The following TMEFF1 variants were observed in gnomAD, a reference collection of about 807,000 sequenced individuals.
The protein encoded by TMEFF1 is transmembrane protein with EGF like and two follistatin like domains 1, also known as tomoregulin-1.
A neutral mutation model predicts 47.5 loss-of-function variants in TMEFF1; 20 were observed. That is an observed-to-expected ratio of 0.42 (90% CI 0.30 to 0.61). TMEFF1 has a LOEUF of 0.61. Ranked by LOEUF, TMEFF1 falls within the 20% of genes least tolerant of loss-of-function variation. The pLI is 0.19. For synonymous variants in TMEFF1, 162 were observed against 166.3 expected, an observed-to-expected ratio of 0.97 and a Z score of 0.20; for missense variants, 411 against 471.1, an observed-to-expected ratio of 0.87 and a Z score of 1.18.
At chr9:100,573,504 G>T (rs780389344) in intron 9 of TMEFF1, among the ~76,000 whole-genome samples, 34 of 152,246 alleles carry the variant, frequency 2.2e-4, no homozygotes, top group Middle Eastern at 3.4e-3. Context: ...CAGCAAGTTC[G>T]TGTTGTCTTT....
intron 3 of TMEFF1, 46 bp downstream of exon 3, chr9:100,509,180 A>G (rs369146928): frequency 4.3e-5 from 62 of 1,426,350 alleles, no homozygotes; most frequent in Non-Finnish European, 5.5e-5. Flanking sequence ...ATATGGTGGA[A>G]TCATTTCTAA....
rs548880340 is a variant in TMEFF1 at position 100,476,019 on chromosome 9, A to C, written c.196+2279A>C. 2.6e-5 allele frequency among the ~76,000 whole-genome samples: 4 copies of C among 152,226 alleles called. No individual in the cohort carries two copies. The South Asian group carries it at 8.3e-4, about 32-fold the overall frequency. On this transcript the variant is annotated intron_variant, in intron 1 of 9. Transcript: ENST00000374879. ...TGGGGCAAGTTACTTAATTTCTCTT[A>C]GTTTCCATTCCTTTTAAAAAAGAGA...
At chr9:100,526,979 A>T (rs1838269758) in intron 5 of TMEFF1, among the ~76,000 whole-genome samples, 1 of 149,780 alleles carries the variant, frequency 6.7e-6, no homozygotes, top group Non-Finnish European at 1.5e-5. Flanking sequence ...AAAAAAAAAA[A>T]AAGGGAAAAA....
intron 5 of TMEFF1, among the ~76,000 whole-genome samples, chr9:100,536,080 T>TC (rs754339621): frequency 2.0e-5 from 3 of 152,244 alleles, no homozygotes; most frequent in Non-Finnish European, 2.9e-5. Flanking sequence ...ATATCTTCTG[T>TC]GGAAACGAGC....
At chr9:100,546,520 A>C (rs1230047387) in intron 5 of TMEFF1, among the ~76,000 whole-genome samples, 1 of 151,928 alleles carries the variant, frequency 6.6e-6, no homozygotes, top group Non-Finnish European at 1.5e-5. Context: ...GCCAAACCAC[A>C]TCAGGCCTGC....
In TMEFF1 at chr9:100,547,788, T is replaced by C; in HGVS notation, c.605T>C (p.Val202Ala). Residue 202 changes from valine to alanine, a missense_variant, in exon 6 of 10, where the codon GTG becomes GCG. Coordinates refer to ENST00000374879, the MANE Select transcript of TMEFF1 (RefSeq NM_003692.5). ...TGCAGTGGATACAGTTTTAATCCTG[T>C]GTGTGCTTCTGATGGGAGTTCCTAT... ...IDCSGYSFNP[V>A]CASDGSSYNN... 1 of 1,607,684 alleles carries C rather than the reference T, an allele frequency of 6.2e-7. No individual in the cohort carries two copies.
chr9:100,562,903 C>T (rs935151577), intron 8 of TMEFF1, among the ~76,000 whole-genome samples: 5 of 151,980 alleles, frequency 3.3e-5, no homozygotes, highest in East Asian at 1.9e-4. Flanking sequence ...CTGCAACCTC[C>T]GCCTCCTGGG....
intron 1 of TMEFF1, among the ~76,000 whole-genome samples, chr9:100,487,133 T>G (rs1799800719): frequency 6.9e-6 from 1 of 145,444 alleles, no homozygotes; most frequent in Admixed American, 6.6e-5. Flanking sequence ...TTCTTTCTCT[T>G]TATTTTATTT....
At chr9:100,502,179 A>G (rs1403193116) in intron 2 of TMEFF1, among the ~76,000 whole-genome samples, 5 of 152,276 alleles carry the variant, frequency 3.3e-5, no homozygotes, top group East Asian at 3.9e-4. Context: ...GTTCCTTTCC[A>G]GGAACAATAG....
At position 100,572,658 on chromosome 9, in the gene TMEFF1, T is replaced by C. The variant is rs762437011; in HGVS notation, c.1040T>C (p.Ile347Thr). The C allele has an allele frequency of 1.4e-5, 22 of 1,609,858 alleles. No homozygotes were observed. The highest frequency in any genetic ancestry group is 1.0e-4 in the Admixed American group (6 of 59,006). The change falls in exon 9 of 10, where the codon ATT becomes ACT. Residue 347 changes from isoleucine to threonine, a missense_variant. Physicochemically the swap from Ile to Thr is moderately conservative, Grantham distance 89 (BLOSUM62 -1). Transcript: ENST00000374879. Reference protein sequence around the residue: ...GAVQIAIIVAIVMCITRKCPK... With the variant: ...GAVQIAIIVATVMCITRKCPK... ...GTACAGATTGCCATCATAGTAGCAA[T>C]TGTAATGTGCATAACAAGGTAGGTA...
chr9:100,575,067 T>C (rs906222257), intron 9 of TMEFF1, among the ~76,000 whole-genome samples: 10 of 152,202 alleles, frequency 6.6e-5, no homozygotes, highest in Admixed American at 3.3e-4. Flanking sequence ...CTTTTTATTA[T>C]GGTATTTCCT....
chr9:100,536,255 C>A (rs1164756126), intron 5 of TMEFF1, among the ~76,000 whole-genome samples: 3 of 152,136 alleles, frequency 2.0e-5, no homozygotes, highest in Non-Finnish European at 4.4e-5. Context: ...TAGGTTAAAT[C>A]TTTGAAAGCC....
At chr9:100,540,816 T>C (rs1838614824) in intron 5 of TMEFF1, among the ~76,000 whole-genome samples, 1 of 152,246 alleles carries the variant, frequency 6.6e-6, no homozygotes, top group South Asian at 2.1e-4. Flanking sequence ...AGTTTTCTGA[T>C]TCTTAATGAG....
chr9:100,534,096 G>A (rs556321539), intron 5 of TMEFF1, among the ~76,000 whole-genome samples: 1 of 152,280 alleles, frequency 6.6e-6, no homozygotes, highest in African/African-American at 2.4e-5. Flanking sequence ...TCAGGAAGAG[G>A]GAAAGCCTGA....
At chr9:100,486,472 C>T (rs1326813660) in intron 1 of TMEFF1, among the ~76,000 whole-genome samples, 1 of 152,010 alleles carries the variant, frequency 6.6e-6, no homozygotes, top group Non-Finnish European at 1.5e-5. Flanking sequence ...GAACCCCTGA[C>T]CTCAGATAAT....
chr9:100,508,990 T>C lies in TMEFF1; in HGVS notation c.307-15T>C. The C allele has an allele frequency of 6.4e-7, 1 of 1,558,674 alleles. No individual in the cohort carries two copies. The highest frequency in any genetic ancestry group is 8.6e-7 in the Non-Finnish European group (1 of 1,157,182). ...CATGCCTAGTTCTGAGAATTTATTT[T>C]TGTTGCTTTTGCAGTGCCATACAAA... On this transcript the variant is annotated splice_polypyrimidine_tract_variant and intron_variant, in intron 2 of 9. Coordinates refer to ENST00000374879, the MANE Select transcript of TMEFF1 (RefSeq NM_003692.5).
intron 5 of TMEFF1, among the ~76,000 whole-genome samples, chr9:100,528,037 G>A (rs1349680152): frequency 1.3e-5 from 2 of 151,988 alleles, no homozygotes; most frequent in African/African-American, 4.8e-5. Flanking sequence ...CGTCCTGTCT[G>A]TTAGAAGGAA....
chr9:100,547,712 A>G (rs773412055), intron 5 of TMEFF1, 32 bp from the exon 6 acceptor site: 2 of 1,453,246 alleles, frequency 1.4e-6, no homozygotes, highest in Non-Finnish European at 1.8e-6. Context: ...TTTTTGTTGT[A>G]AAATATAGGT....
chr9:100,535,133 A>C (rs187796757), intron 5 of TMEFF1, among the ~76,000 whole-genome samples: 5 of 152,298 alleles, frequency 3.3e-5, no homozygotes, highest in African/African-American at 7.2e-5. Flanking sequence ...ATCCATCTAT[A>C]TATATATTTT....
Sources: allele counts gnomAD v4.1 joint callset (sites outside exome capture counted in the v4.1 genomes callset), GRCh38; gene constraint gnomAD v4.1.1; transcripts MANE v1.5; gene names NCBI Gene and HGNC (gene_info 2026-07-23, HGNC 2026-07-21).